Variants in PTPRG observed in about 807,000 individuals in gnomAD.
The protein encoded by PTPRG is protein tyrosine phosphatase receptor type G.
Under a neutral mutation model 165.3 loss-of-function variants are expected in PTPRG, and 102 were observed. The ratio of observed to expected loss-of-function variants is 0.62; its 90% CI spans 0.53 to 0.73. The LOEUF (loss-of-function observed/expected upper bound fraction) is 0.73, where lower values mean the gene tolerates loss of function less well. PTPRG is among the 30% of genes least tolerant of loss of function. The pLI is 0.00. For missense variants in PTPRG, 1,866 were observed against 1,861.4 expected, an observed-to-expected ratio of 1.00 and a Z score of -0.05; for synonymous variants, 675 against 669.5, an observed-to-expected ratio of 1.01 and a Z score of -0.13.
intron 2 of PTPRG, among the ~76,000 whole-genome samples, chr3:61,917,283 G>T (rs564180702): frequency 3.3e-5 from 5 of 152,076 alleles, no homozygotes; most frequent in African/African-American, 1.2e-4. Flanking sequence ...TGAATAATTC[G>T]CAGCATTTAG....
At chr3:61,921,477 C>T (rs138022304) in intron 2 of PTPRG, among the ~76,000 whole-genome samples, 12 of 152,208 alleles carry the variant, frequency 7.9e-5, no homozygotes, top group South Asian at 2.1e-4. Flanking sequence ...TCAAAATGTA[C>T]GGCTTTTTGG....
intron 4 of PTPRG, among the ~76,000 whole-genome samples, chr3:62,068,771 T>C (rs1701104973): frequency 6.6e-6 from 1 of 152,160 alleles, no homozygotes; most frequent in Non-Finnish European, 1.5e-5. Context: ...ATATGCCTCA[T>C]AGCCCTAGTG....
At chr3:61,764,846 T>A (rs2033964794) in intron 2 of PTPRG, among the ~76,000 whole-genome samples, 1 of 152,244 alleles carries the variant, frequency 6.6e-6, no homozygotes, top group Admixed American at 6.5e-5. Context: ...GTGGAATATC[T>A]GACACAGTCT....
At position 62,168,138 on chromosome 3, in the gene PTPRG, C is replaced by G; in HGVS notation, c.1008C>G (p.Asn336Lys). The G allele has an allele frequency of 6.2e-7, 1 of 1,614,032 alleles. No individual in the cohort carries two copies. The highest frequency in any genetic ancestry group is 8.5e-7 in the Non-Finnish European group (1 of 1,179,940). ...ACGACATGACAGACTTCTTAGAAAA[C>G]CCACTGGGGACAGAAGCCTCTAAAG... Reference protein sequence around the residue: ...WNHDMTDFLENPLGTEASKVC... With the variant: ...WNHDMTDFLEKPLGTEASKVC... The change falls in exon 8 of 30, where the codon AAC becomes AAG. Residue 336 changes from asparagine to lysine, a missense_variant. By Grantham distance (94) the Asn-to-Lys change is moderately conservative. This residue lies in a region of PTPRG where 1,452 missense variants were observed against 1,463.0 expected (regional missense o/e 0.99). Coordinates refer to ENST00000474889, the MANE Select transcript of PTPRG (RefSeq NM_002841.4).
intron 8 of PTPRG, among the ~76,000 whole-genome samples, chr3:62,170,581 T>G (rs17066232): frequency 0.077 from 11,784 of 152,270 alleles, 763 homozygotes; most frequent in East Asian, 0.35. Flanking sequence ...GATCTTCCAC[T>G]GAACGGGCCT....
At chr3:61,750,415 T>C (rs964429202) in intron 2 of PTPRG, 1 of 152,246 alleles carries the variant, frequency 6.6e-6, no homozygotes, top group Non-Finnish European at 1.5e-5. Context: ...CCTTAAACTT[T>C]TCCCATTATG....
At chr3:61,937,743 A>C in intron 2 of PTPRG, among the ~76,000 whole-genome samples, 1 of 152,298 alleles carries the variant, frequency 6.6e-6, no homozygotes, top group African/African-American at 2.4e-5. Flanking sequence ...CGGCAAAAGG[A>C]GAACATTGTG....
chr3:61,953,062 T>G (rs956930515), intron 2 of PTPRG, among the ~76,000 whole-genome samples: 8 of 152,000 alleles, frequency 5.3e-5, no homozygotes, highest in Non-Finnish European at 1.2e-4. Flanking sequence ...TTTCTTAATT[T>G]CTCGCCCTTT....
intron 2 of PTPRG, among the ~76,000 whole-genome samples, chr3:61,801,115 C>G (rs750401535): frequency 2.6e-5 from 4 of 152,122 alleles, no homozygotes; most frequent in Non-Finnish European, 4.4e-5. Flanking sequence ...GCTGCTTCTG[C>G]AAAACAGATG....
intron 2 of PTPRG, among the ~76,000 whole-genome samples, chr3:61,984,378 CTT>C (rs1006976726): frequency 1.1e-4 from 16 of 152,240 alleles, no homozygotes; most frequent in East Asian, 5.8e-4. Flanking sequence ...ACCGTAGTCT[CTT>C]GTTTCCTTCG....
At chr3:61,916,410 G>C (rs1230887658) in intron 2 of PTPRG, among the ~76,000 whole-genome samples, 2 of 152,094 alleles carry the variant, frequency 1.3e-5, no homozygotes, top group Admixed American at 6.5e-5. Flanking sequence ...TGGCACCAAA[G>C]AGACTATTTT....
Position 61,748,975 on chromosome 3 carries a change from C to T in PTPRG, c.183C>T (p.Ala61=), listed in dbSNP as rs1249637984. 1.9e-6 allele frequency: 3 copies of T among 1,610,606 alleles called. No individual in the cohort carries two copies. The East Asian group carries it at 6.7e-5, about 36-fold the overall frequency. ...AGGCTTCAGGCGACCCGTACTGGGCCTACTCTGGTAAGTCCAGTTGTTCTA... is the reference window on the plus strand; with the variant it reads ...AGGCTTCAGGCGACCCGTACTGGGCTTACTCTGGTAAGTCCAGTTGTTCTA... ...RRKASGDPYW[A]YSGAYGPEHW... Residue 61 remains alanine (A), a synonymous_variant, in exon 2 of 30, where the codon GCC becomes GCT. Transcript: ENST00000474889.
chr3:62,098,205 G>T (rs556321973), intron 5 of PTPRG, among the ~76,000 whole-genome samples: 1 of 151,364 alleles, frequency 6.6e-6, no homozygotes, highest in East Asian at 1.9e-4. Context: ...CATATCCTTG[G>T]GTTCTAGATT....
intron 5 of PTPRG, among the ~76,000 whole-genome samples, chr3:62,081,859 G>A (rs544716019): frequency 6.6e-6 from 1 of 152,076 alleles, no homozygotes; most frequent in South Asian, 2.1e-4. Flanking sequence ...TTCAAACCTG[G>A]CATCTTACAT....
chr3:61,606,609 G>A (rs889495090), intron 1 of PTPRG, among the ~76,000 whole-genome samples: 1 of 152,186 alleles, frequency 6.6e-6, no homozygotes, highest in South Asian at 2.1e-4. Context: ...ATAAAGAAGA[G>A]AAATTAATTT....
chr3:61,616,480 C>G lies in PTPRG; in HGVS notation c.85+54108C>G, dbSNP rs60410700. ...TCTGTGACAAGGTGAAACTGGGCTCCGACTGTTTTGAATATGTTTATTTAC... is the reference window on the plus strand; with the variant it reads ...TCTGTGACAAGGTGAAACTGGGCTCGGACTGTTTTGAATATGTTTATTTAC... On this transcript the variant is annotated intron_variant, in intron 1 of 29. Coordinates refer to ENST00000474889, the MANE Select transcript of PTPRG (RefSeq NM_002841.4). Among the ~76,000 whole-genome samples the G allele has an allele frequency of 3.3e-5, 5 of 152,132 alleles. 1 individual carries two copies. The highest frequency in any genetic ancestry group is 4.1e-4 in the South Asian group (2 of 4,822).
rs1344195010 is a variant in PTPRG, at chr3:61,881,841, T to C, written c.191-107784T>C. On this transcript the variant is annotated intron_variant, in intron 2 of 29. Transcript: ENST00000474889. The stretch of plus-strand genomic sequence containing the variant: ...AGTTGGAAAATCACAGGCTCTGATA[T>C]ACTTTGTAGATCTGTATTCCTCCAT... 3.3e-5 allele frequency among the ~76,000 whole-genome samples: 5 copies of C among 152,188 alleles called. No homozygotes were observed. In the East Asian group the frequency reaches 5.8e-4, roughly 18 times the overall value.
intron 1 of PTPRG, among the ~76,000 whole-genome samples, chr3:61,628,208 C>T (rs1465262295): frequency 1.3e-5 from 2 of 152,144 alleles, no homozygotes; most frequent in Non-Finnish European, 2.9e-5. Context: ...ATATATGTGG[C>T]TCTTTTGTTT....
intron 1 of PTPRG, among the ~76,000 whole-genome samples, chr3:61,610,689 G>A (rs1468748692): frequency 6.6e-6 from 1 of 151,940 alleles, no homozygotes; most frequent in Non-Finnish European, 1.5e-5. Context: ...CAGGTAGGTA[G>A]TTATTTTCGT....
Sources: gnomAD v4.1 joint callset for allele counts (sites outside exome capture counted in the v4.1 genomes callset) on GRCh38, gnomAD v4.1.1 for gene constraint, gnomAD v4.1.1 regional missense constraint, MANE v1.5 for transcripts, NCBI Gene and HGNC (gene_info 2026-07-23, HGNC 2026-07-21) for gene names.